The following RIPOR3 variants were observed in gnomAD, a reference collection of about 807,000 sequenced individuals.
RIPOR3 encodes the protein family with sequence similarity 65 member C.
In RIPOR3, 95 loss-of-function variants were observed where a neutral mutation model predicts 114.3. The observed-to-expected ratio is 0.83, with a 90% confidence interval of 0.70 to 0.99. The LOEUF (loss-of-function observed/expected upper bound fraction) is 0.99. Ranked by LOEUF, RIPOR3 falls within the 50% of genes least tolerant of loss-of-function variation. The pLI, the probability that RIPOR3 is intolerant of heterozygous loss-of-function variation, is 0.00. For synonymous variants in RIPOR3, 575 were observed against 543.8 expected, an observed-to-expected ratio of 1.06 and a Z score of -0.80; for missense variants, 1,252 against 1,266.9, an observed-to-expected ratio of 0.99 and a Z score of 0.18.
intron 1 of RIPOR3, among the ~76,000 whole-genome samples, chr20:50,658,760 A>G (rs952250749): frequency 1.3e-5 from 2 of 152,172 alleles, no homozygotes; most frequent in African/African-American, 4.8e-5. Flanking sequence ...TGTTATTATT[A>G]CCCTCCAGCC....
intron 2 of RIPOR3, among the ~76,000 whole-genome samples, chr20:50,624,980 C>T (rs1419477851): frequency 1.3e-5 from 2 of 152,224 alleles, no homozygotes; most frequent in Non-Finnish European, 2.9e-5. Context: ...CAACCATTTA[C>T]CCAGGTGCCT....
chr20:50,590,810 A>T (rs969769905), intron 19 of RIPOR3, among the ~76,000 whole-genome samples: 2 of 131,988 alleles, frequency 1.5e-5, no homozygotes, highest in African/African-American at 5.4e-5. Context: ...ATGAAGATGA[A>T]GGCCCTTTTT....
chr20:50,613,859 C>T (rs2084060904), intron 4 of RIPOR3, among the ~76,000 whole-genome samples: 1 of 152,108 alleles, frequency 6.6e-6, no homozygotes, highest in Non-Finnish European at 1.5e-5. Context: ...GTCACCCGCC[C>T]AACTGTCCAC....
At chr20:50,686,454 C>T (rs2087027722) in intron 1 of RIPOR3, among the ~76,000 whole-genome samples, 1 of 152,016 alleles carries the variant, frequency 6.6e-6, no homozygotes, top group Non-Finnish European at 1.5e-5. Flanking sequence ...AACAATAAAA[C>T]ACGCATGCTT....
In RIPOR3 at chr20:50,609,043, T is replaced by C. The variant is rs6096024; in HGVS notation, c.641-88A>G. On this transcript the variant is annotated intron_variant, in intron 8 of 21. Coordinates refer to ENST00000327979, the MANE Select transcript of RIPOR3 (RefSeq NM_001290268.2). ...GTCCTCTCTGGGGTTCCCCCGAGTA[T>C]AGATTTTCAGTTTCAGTGGGGTGAG... 2.5e-3 allele frequency: 3,734 copies of C among 1,521,972 alleles called. 74 individuals are homozygous for C. In the African/African-American group the frequency reaches 0.043, roughly 18 times the overall value. 94.3% of individuals were successfully genotyped at this position (1,521,972 alleles called of 1,614,324 possible).
At chr20:50,641,332 C>T (rs755955575) in intron 1 of RIPOR3, among the ~76,000 whole-genome samples, 3 of 151,700 alleles carry the variant, frequency 2.0e-5, no homozygotes, top group Non-Finnish European at 4.4e-5. Context: ...CTCCCATCTC[C>T]GCCTCCTGAG....
At chr20:50,638,100 C>T (rs1470687548) in intron 1 of RIPOR3, among the ~76,000 whole-genome samples, 2 of 152,192 alleles carry the variant, frequency 1.3e-5, no homozygotes, top group Admixed American at 6.5e-5. Context: ...TTGGAACCAG[C>T]TTCAGGGCAG....
chr20:50,589,864 C>A, intron 19 of RIPOR3, 95 bp from the exon 20 acceptor site: 1 of 1,052,184 alleles, frequency 9.5e-7, no homozygotes, highest in Non-Finnish European at 1.4e-6. Flanking sequence ...CAGTAAGGCA[C>A]GCTGTGCCCA....
At chr20:50,622,856 A>T (rs2084469963) in intron 2 of RIPOR3, among the ~76,000 whole-genome samples, 2 of 152,194 alleles carry the variant, frequency 1.3e-5, no homozygotes, top group Admixed American at 6.5e-5. Context: ...GGTGCTGAGA[A>T]TTCTATTAGA....
intron 1 of RIPOR3, among the ~76,000 whole-genome samples, chr20:50,652,091 G>A (rs1319980601): frequency 6.6e-6 from 1 of 152,190 alleles, no homozygotes; most frequent in Non-Finnish European, 1.5e-5. Context: ...TTGCATTTAG[G>A]GTTCTGCTGT....
intron 1 of RIPOR3, among the ~76,000 whole-genome samples, chr20:50,642,939 T>C (rs2085258487): frequency 6.6e-6 from 1 of 151,786 alleles, no homozygotes; most frequent in South Asian, 2.1e-4. Context: ...TCCCAGCTAC[T>C]CAGGAGGCTG....
chr20:50,590,594 G>A (rs1328792172), intron 19 of RIPOR3, among the ~76,000 whole-genome samples: 2 of 152,162 alleles, frequency 1.3e-5, no homozygotes, highest in African/African-American at 4.8e-5. Flanking sequence ...GAGTAGGATC[G>A]GGTCCTCCCG....
At chr20:50,622,003 T>C (rs2084424351) in intron 2 of RIPOR3, among the ~76,000 whole-genome samples, 1 of 152,168 alleles carries the variant, frequency 6.6e-6, no homozygotes. Context: ...CAGGATCCCA[T>C]AACTTATCCA....
chr20:50,602,062 G>C lies in RIPOR3; in HGVS notation c.1659+10C>G. 3 of 1,517,252 alleles carry C rather than the reference G, an allele frequency of 2.0e-6. No individual in the cohort carries two copies. Among genetic ancestry groups the C allele is most frequent in the Non-Finnish European group, 2.6e-6 (3 of 1,134,854 alleles). The allele number at this position is 1,517,252 out of a possible 1,614,324, so 94.0% of individuals were successfully genotyped here. ...AAGCAGGGCCACCGCCCGGGGCGGG[G>C]TGGCCATACCTTCAGCCGGTCCCGG... On this transcript the variant is annotated intron_variant, in intron 13 of 21. Transcript: ENST00000327979. The surrounding 1 kb of genome is among the most constrained non-coding windows in gnomAD (Gnocchi z 4.3).
chr20:50,611,081 C>G, intron 5 of RIPOR3, 100 bp downstream of exon 5: 1 of 1,591,272 alleles, frequency 6.3e-7, no homozygotes, highest in Admixed American at 1.7e-5. Flanking sequence ...GGAGGAGACC[C>G]AGGTTTTCTG....
intron 2 of RIPOR3, among the ~76,000 whole-genome samples, chr20:50,623,260 T>TA (rs57108911): frequency 0.016 from 1,796 of 113,210 alleles, 27 homozygotes; most frequent in Non-Finnish European, 0.025. Flanking sequence ...AACTCTGCCT[T>TA]AAAAAAAAAA....
chr20:50,610,255 A>G (rs1600559290), intron 6 of RIPOR3, among the ~76,000 whole-genome samples: 1 of 150,130 alleles, frequency 6.7e-6, no homozygotes, highest in East Asian at 2.0e-4. Context: ...CCCCTGCCTC[A>G]CCTGCTGCAT....
At chr20:50,590,784 C>G (rs1012285925) in intron 19 of RIPOR3, among the ~76,000 whole-genome samples, 2 of 151,554 alleles carry the variant, frequency 1.3e-5, no homozygotes, top group East Asian at 3.9e-4. Context: ...GTTTCCTACT[C>G]TCTAAAGTCT....
rs560759358 is a variant in RIPOR3, at chr20:50,587,848, G to A, written c.2706C>T (p.Asp902=). The A allele has an allele frequency of 1.7e-5, 28 of 1,614,170 alleles. No individual in the cohort carries two copies. In the African/African-American group the frequency reaches 2.8e-4, roughly 16 times the overall value. The change falls in exon 21 of 22, where the codon GAC becomes GAT. Residue 902 remains aspartate, a synonymous_variant. Transcript: ENST00000327979. ...IDQTASLCQS[D]LEAVRAAARE... Reference sequence around the variant, plus strand: ...GGGCTGCCGCCCGCACGGCCTCCAGGTCAGACTGGCACAGGCTGGCAGTCT... The same window carrying A: ...GGGCTGCCGCCCGCACGGCCTCCAGATCAGACTGGCACAGGCTGGCAGTCT...
Sources: allele counts gnomAD v4.1 joint callset (sites outside exome capture counted in the v4.1 genomes callset), GRCh38; gene constraint gnomAD v4.1.1; non-coding constraint Gnocchi (gnomAD v3.1); transcripts MANE v1.5; gene names NCBI Gene and HGNC (gene_info 2026-07-23, HGNC 2026-07-21).